The following STOX2 variants were observed in gnomAD, a reference collection of about 807,000 sequenced individuals.
STOX2 encodes the protein storkhead box 2.
STOX2 carries 28 observed loss-of-function variants against 60.9 expected under a neutral mutation model. The observed-to-expected ratio is 0.46, with a 90% CI of 0.34 to 0.63. The LOEUF (loss-of-function observed/expected upper bound fraction) is 0.63. Ranked by LOEUF, STOX2 falls within the 30% of genes least tolerant of loss-of-function variation. STOX2 has a pLI of 0.01. For missense variants in STOX2, 1,024 were observed against 1,187.7 expected, an observed-to-expected ratio of 0.86 and a Z score of 2.03; for synonymous variants, 472 against 463.9, an observed-to-expected ratio of 1.02 and a Z score of -0.22.
chr4:183,964,062 A>G (rs1176267950), intron 1 of STOX2, among the ~76,000 whole-genome samples: 1 of 152,242 alleles, frequency 6.6e-6, no homozygotes, highest in Non-Finnish European at 1.5e-5. Flanking sequence ...GGCGTGAGCC[A>G]CCGCGCCCAG....
intron 1 of STOX2, among the ~76,000 whole-genome samples, chr4:183,879,209 G>A (rs538447635): frequency 2.0e-5 from 3 of 152,306 alleles, no homozygotes; most frequent in East Asian, 1.9e-4. Flanking sequence ...CCAGCCTCGC[G>A]AAGGCATGTC....
At chr4:183,914,336 G>A (rs1216696025) in intron 1 of STOX2, among the ~76,000 whole-genome samples, 2 of 152,210 alleles carry the variant, frequency 1.3e-5, no homozygotes, top group Non-Finnish European at 2.9e-5. Context: ...TACTCGGGAG[G>A]CTGAGCGGAA....
Position 183,856,583 on chromosome 4 carries a change from C to T in STOX2, c.364+58528C>T, listed in dbSNP as rs1287944319. On this transcript the variant is annotated intron_variant, in intron 1 of 2. Transcript: ENST00000513034. This position sits in a 1 kb window ranked among gnomAD's most constrained non-coding sequence, Gnocchi z 4.0. ...GTCTAAAAGCCGTCCCTGCTCTCAG[C>T]CACCTGCCCCTGGCTGACTGCAGCT... 6.6e-6 allele frequency among the ~76,000 whole-genome samples: 1 copy of T among 152,194 alleles called. No homozygotes were observed. The highest frequency in any genetic ancestry group is 2.4e-5 in the African/African-American group (1 of 41,460).
intron 1 of STOX2, among the ~76,000 whole-genome samples, chr4:183,853,209 C>G (rs1397036338): frequency 6.6e-6 from 1 of 152,204 alleles, no homozygotes; most frequent in Non-Finnish European, 1.5e-5. Context: ...GGCTTAAGGT[C>G]CTGGAAATGC....
At position 184,009,195 on chromosome 4, in the gene STOX2, G is replaced by T; in HGVS notation, c.357G>T (p.Thr119=). ...PTPSQEILRH[T]LNTLVRERKI... The stretch of plus-strand genomic sequence containing the variant: ...CAAGCCAAGAAATTCTGCGGCACAC[G>T]CTGAACACGCTGGTACGGGAGAGGA... The change falls in exon 3 of 4, where the codon ACG becomes ACT. Residue 119 remains threonine (T), a synonymous_variant. Transcript: ENST00000308497. This position sits in a 1 kb window ranked among gnomAD's most constrained non-coding sequence, Gnocchi z 4.0. 1 of 1,300,000 alleles carries T rather than the reference G, an allele frequency of 7.7e-7. No individual in the cohort carries two copies. The highest frequency in any genetic ancestry group is 1.0e-6 in the Non-Finnish European group (1 of 982,890). The allele number at this position is 1,300,000 out of a possible 1,614,324, so 80.5% of individuals were successfully genotyped here.
At chr4:183,979,092 T>C (rs1296679892) in intron 1 of STOX2, among the ~76,000 whole-genome samples, 8 of 152,192 alleles carry the variant, frequency 5.3e-5, no homozygotes, top group Admixed American at 5.2e-4. Flanking sequence ...TTAATTGGCT[T>C]GTGACTCTGC....
Position 183,951,432 on chromosome 4 carries a change from G to GTC in STOX2, c.166+44488_166+44489dup, listed in dbSNP as rs1291496974. Reference sequence around the variant, plus strand: ...TTCATCCATGATTTAGAGGACGACAGTCTCTCTCTCTCTTTTTTTTTTTTT... The same window carrying GTC: ...TTCATCCATGATTTAGAGGACGACAGTCTCTCTCTCTCTCTTTTTTTTTTTTT... On this transcript the variant is annotated intron_variant, in intron 1 of 3. Transcript: ENST00000308497. Among the ~76,000 whole-genome samples the GTC allele has an allele frequency of 1.4e-3, 193 of 137,192 alleles. 4 individuals carry two copies. The highest frequency in any genetic ancestry group is 4.6e-3 in the African/African-American group (162 of 35,452). 90.0% of individuals were successfully genotyped at this position (137,192 alleles called of 152,430 possible). A position where few individuals can be genotyped will look rare whatever the true frequency, so the allele number is the denominator to read the frequency against.
At chr4:183,798,141 C>T in intron 1 of STOX2, 1 of 1,183,842 alleles carries the variant, frequency 8.4e-7, no homozygotes, top group African/African-American at 1.6e-5. Flanking sequence ...CGCCCTGCCC[C>T]AGCCCGCCGC....
intron 1 of STOX2, among the ~76,000 whole-genome samples, 153 bp downstream of exon 1, chr4:183,907,109 G>A (rs1741641655): frequency 6.6e-6 from 1 of 152,128 alleles, no homozygotes; most frequent in Non-Finnish European, 1.5e-5. Flanking sequence ...CCACCATTTT[G>A]TACCTCCCAA....
chr4:183,806,652 G>A lies in STOX2; in HGVS notation c.364+8597G>A, dbSNP rs960451207. Among the ~76,000 whole-genome samples, 2 of 152,090 alleles carry A rather than the reference G, an allele frequency of 1.3e-5. No individual in the cohort carries two copies. The highest frequency in any genetic ancestry group is 1.5e-5 in the Non-Finnish European group (1 of 68,008). ...TCAGCCTCTGCCAGCGCTGTGTCAG[G>A]TGCCTCCCTTCTTCCCCCGACCCCC... On this transcript the variant is annotated intron_variant, in intron 1 of 2. Coordinates refer to the STOX2 transcript ENST00000513034. The surrounding 1 kb of genome is among the most constrained non-coding windows in gnomAD (Gnocchi z 4.1).
At chr4:183,862,578 A>C (rs1328759940) in intron 1 of STOX2, among the ~76,000 whole-genome samples, 1 of 152,256 alleles carries the variant, frequency 6.6e-6, no homozygotes, top group Non-Finnish European at 1.5e-5. Context: ...GGGAAGACCC[A>C]GGGAGGAGCT....
At chr4:183,929,575 C>G (rs941779147) in intron 1 of STOX2, among the ~76,000 whole-genome samples, 9 of 152,100 alleles carry the variant, frequency 5.9e-5, no homozygotes, top group African/African-American at 1.9e-4. Context: ...AATCTCTGGC[C>G]ATGGATCACA....
intron 1 of STOX2, among the ~76,000 whole-genome samples, chr4:183,965,798 G>C (rs915403775): frequency 5.9e-5 from 9 of 152,112 alleles, no homozygotes; most frequent in Admixed American, 2.0e-4. Context: ...AACGGATTTA[G>C]AGACATCCAG....
In STOX2 at chr4:184,023,309, G is replaced by T. The variant is rs1734659647; in HGVS notation, c.*6025G>T. Reference sequence around the variant, plus strand: ...TTTATAACAGCACATTTGTAACATGGTTTTTATCGTGTCAGTGTACCATAC... The same window carrying T: ...TTTATAACAGCACATTTGTAACATGTTTTTTATCGTGTCAGTGTACCATAC... On this transcript the variant is annotated 3_prime_UTR_variant, in exon 4 of 4. Transcript: ENST00000308497. The T allele has an allele frequency of 1.3e-5, 2 of 152,074 alleles. No homozygotes were observed. Among genetic ancestry groups the T allele is most frequent in the Non-Finnish European group, 2.9e-5 (2 of 68,004 alleles). 9.4% of individuals were successfully genotyped at this position (152,074 alleles called of 1,614,324 possible). A position where few individuals can be genotyped will look rare whatever the true frequency, so the allele number is the denominator to read the frequency against.
chr4:183,967,558 A>G (rs968532646), intron 1 of STOX2, among the ~76,000 whole-genome samples: 4 of 151,958 alleles, frequency 2.6e-5, no homozygotes, highest in African/African-American at 9.7e-5. Context: ...CTGGCCACCC[A>G]TGGGTGGTGC....
intron 1 of STOX2, among the ~76,000 whole-genome samples, chr4:183,816,075 GA>G (rs1739146867): frequency 6.6e-6 from 1 of 152,204 alleles, no homozygotes. Context: ...CAATTTGGAA[GA>G]AAACCAAATC....
intron 1 of STOX2, among the ~76,000 whole-genome samples, chr4:183,936,734 G>A (rs1425635446): frequency 6.6e-6 from 1 of 152,210 alleles, no homozygotes; most frequent in Non-Finnish European, 1.5e-5. Context: ...CAGCCTGCCT[G>A]TGTTCTCAGA....
chr4:183,869,865 A>G (rs533163327), intron 1 of STOX2, among the ~76,000 whole-genome samples: 2 of 152,336 alleles, frequency 1.3e-5, no homozygotes, highest in South Asian at 4.1e-4. Flanking sequence ...AATCCCAGAG[A>G]TGCTTTTTCT....
At position 184,001,281 on chromosome 4, in the gene STOX2, G is replaced by C. The variant is rs754905065; in HGVS notation, c.167-44G>C. The C allele has an allele frequency of 1.9e-6, 3 of 1,602,104 alleles. No homozygotes were observed. Among genetic ancestry groups the C allele is most frequent in the Non-Finnish European group, 2.6e-6 (3 of 1,170,812 alleles). On this transcript the variant is annotated intron_variant, in intron 1 of 3. Coordinates refer to ENST00000308497, the MANE Select transcript of STOX2 (RefSeq NM_020225.3). The surrounding 1 kb of genome is among the most constrained non-coding windows in gnomAD (Gnocchi z 4.2). ...GAAGGCGTGTGTCTGACAGATGACC[G>C]GGTCTTTTAATGAACCACTCACTTG... is the stretch of plus-strand genomic sequence containing the variant.
Sources: gnomAD v4.1 joint callset for allele counts (sites outside exome capture counted in the v4.1 genomes callset) on GRCh38, gnomAD v4.1.1 for gene constraint, Gnocchi (gnomAD v3.1) non-coding constraint, MANE v1.5 for transcripts, NCBI Gene and HGNC (gene_info 2026-07-23, HGNC 2026-07-21) for gene names.